The following FPR2 variants were observed in gnomAD, a reference collection of about 807,000 sequenced individuals.
The protein encoded by FPR2 is formyl peptide receptor 2, also known as N-formyl peptide receptor 2.
Under a neutral mutation model 4.0 loss-of-function variants are expected in FPR2, and 3 were observed. The observed-to-expected ratio is 0.74, with a 90% CI of 0.34 to 1.92. The LOEUF is 1.92. Ranked by LOEUF, FPR2 falls within the 30% of genes most tolerant of loss-of-function variation. The pLI, the probability that FPR2 is intolerant of heterozygous loss-of-function variation, is 0.07. For missense variants in FPR2, 372 were observed against 435.7 expected, an observed-to-expected ratio of 0.85 and a Z score of 1.30; for synonymous variants, 179 against 171.5, an observed-to-expected ratio of 1.04 and a Z score of -0.34.
At position 51,768,727 on chromosome 19, in the gene FPR2, T is replaced by C. The variant is rs764263030; in HGVS notation, c.69T>C (p.Thr23=). Reference sequence around the variant, plus strand: ...TGTCCTATGAGTCTGCTGGCTACACTGTTCTGCGGATCCTCCCATTGGTGG... The same window carrying C: ...TGTCCTATGAGTCTGCTGGCTACACCGTTCTGCGGATCCTCCCATTGGTGG... The part of the protein sequence containing the change: ...EEVSYESAGY[T]VLRILPLVVL... Residue 23 remains threonine, a synonymous_variant, in exon 2 of 2, where the codon ACT becomes ACC. Coordinates refer to ENST00000340023, the MANE Select transcript of FPR2 (RefSeq NM_001005738.2). 6 of 1,614,174 alleles carry C rather than the reference T, an allele frequency of 3.7e-6. No homozygotes were observed. The highest frequency in any genetic ancestry group is 5.1e-6 in the Non-Finnish European group (6 of 1,180,024).
chr19:51,769,782 C>T lies in FPR2; in HGVS notation c.*68C>T. ...AATGCCAGTTCCAGCTTCATCTACC[C>T]TTGAGTCATATTGAGGCATTCAAGG... On this transcript the variant is annotated 3_prime_UTR_variant, in exon 2 of 2. Transcript: ENST00000340023. The surrounding 1 kb of genome is among the most constrained non-coding windows in gnomAD (Gnocchi z 4.4). 7.4e-7 allele frequency: 1 copy of T among 1,360,232 alleles called. No homozygotes were observed. Among genetic ancestry groups the T allele is most frequent in the Middle Eastern group, 1.8e-4 (1 of 5,438 alleles). 84.3% of individuals were successfully genotyped at this position (1,360,232 alleles called of 1,614,324 possible).
rs775137302 is a variant in FPR2, at chr19:51,768,662, G to A, written c.4G>A (p.Glu2Lys). 7 of 1,596,558 alleles carry A rather than the reference G, an allele frequency of 4.4e-6. No homozygotes were observed. The East Asian group carries it at 1.3e-4, about 31-fold the overall frequency. Residue 2 changes from glutamate (E) to lysine (K), a missense_variant, in exon 2 of 2, where the codon GAA becomes AAA. Coordinates refer to ENST00000340023, the MANE Select transcript of FPR2 (RefSeq NM_001005738.2). METNFSTPLNEY... is the reference protein window; with the variant it reads MKTNFSTPLNEY... ...TGTTTCAGGTGCTGCTGGCAAGATG[G>A]AAACCAACTTCTCCACTCCTCTGAA...
intron 1 of FPR2, among the ~76,000 whole-genome samples, chr19:51,766,638 G>C (rs1343683362): frequency 6.6e-6 from 1 of 152,172 alleles, no homozygotes; most frequent in Non-Finnish European, 1.5e-5. Flanking sequence ...CAAAGGCAGT[G>C]GCTCTGGAGT....
At chr19:51,762,183 T>C (rs1321648696) in intron 1 of FPR2, among the ~76,000 whole-genome samples, 1 of 147,854 alleles carries the variant, frequency 6.8e-6, no homozygotes, top group Non-Finnish European at 1.5e-5. Context: ...CCTCTCAGGG[T>C]CAAGCGATTC....
chr19:51,764,924 T>C (rs1023287828), intron 1 of FPR2, among the ~76,000 whole-genome samples: 7 of 152,098 alleles, frequency 4.6e-5, no homozygotes, highest in African/African-American at 1.7e-4. Flanking sequence ...CCTCCCAGAC[T>C]CAAGTGATTC....
intron 1 of FPR2, 139 bp downstream of exon 1, chr19:51,761,369 G>T (rs1046947994): frequency 6.6e-6 from 1 of 152,222 alleles, no homozygotes; most frequent in Non-Finnish European, 1.5e-5. Flanking sequence ...TTTCTATCTT[G>T]ATCTGAAATG....
chr19:51,762,394 C>CT (rs750941089), intron 1 of FPR2: 1,693 of 116,012 alleles, frequency 0.015, 15 homozygotes, highest in African/African-American at 0.032. Context: ...CCTTATTGGA[C>CT]TTTTTTTTTT....
In FPR2 at chr19:51,770,375, C is replaced by G; in HGVS notation, c.*661C>G. On this transcript the variant is annotated 3_prime_UTR_variant, in exon 2 of 2. Coordinates refer to ENST00000340023, the MANE Select transcript of FPR2 (RefSeq NM_001005738.2). ...TTTATGTTTATATACTGTTATTTCA[C>G]TTTTTCTACTATCCTTGCTAAGTTT... is the stretch of plus-strand genomic sequence containing the variant. 6.0e-6 allele frequency: 1 copy of G among 167,044 alleles called. No homozygotes were observed. Among genetic ancestry groups the G allele is most frequent in the African/African-American group, 2.4e-5 (1 of 41,436 alleles). 10.3% of individuals were successfully genotyped at this position (167,044 alleles called of 1,614,324 possible). A position where few individuals can be genotyped will look rare whatever the true frequency, so the allele number is the denominator to read the frequency against.
chr19:51,765,968 C>T (rs916755061), intron 1 of FPR2, among the ~76,000 whole-genome samples: 2 of 152,186 alleles, frequency 1.3e-5, no homozygotes, highest in African/African-American at 4.8e-5. Context: ...CTCTGTCCCC[C>T]AGGCTGGAGT....
chr19:51,768,943 G>T lies in FPR2; in HGVS notation c.285G>T (p.Trp95Cys). The T allele has an allele frequency of 6.2e-7, 1 of 1,614,152 alleles. No homozygotes were observed. Among genetic ancestry groups the T allele is most frequent in the African/African-American group, 1.3e-5 (1 of 75,028 alleles). ...MAMGEKWPFGWFLCKLIHIVV... is the reference protein window; with the variant it reads ...MAMGEKWPFGCFLCKLIHIVV... ...TGGGAGAAAAATGGCCTTTTGGCTG[G>T]TTCCTGTGTAAGTTAATTCACATCG... Residue 95 changes from tryptophan (W) to cysteine (C), a missense_variant, in exon 2 of 2, where the codon TGG becomes TGT. Coordinates refer to ENST00000340023, the MANE Select transcript of FPR2 (RefSeq NM_001005738.2).
In FPR2 at chr19:51,767,737, AAC is replaced by A. The variant is rs200041006; in HGVS notation, c.-14-904_-14-903del. On this transcript the variant is annotated intron_variant, in intron 1 of 1. Transcript: ENST00000340023. The stretch of plus-strand genomic sequence containing the variant: ...ATTATCTACTACCTAAGTGACCTTC[AAC>A]ACATTTCACAATTGCCCTGAGCTTT... Among the ~76,000 whole-genome samples, 1,357 of 152,302 alleles carry A rather than the reference AAC, an allele frequency of 8.9e-3. 22 individuals are homozygous for A. Among genetic ancestry groups the A allele is most frequent in the African/African-American group, 0.031 (1,283 of 41,562 alleles).
rs764738526 is a variant in FPR2, at chr19:51,769,582, C to G, written c.924C>G (p.Asp308Glu). Residue 308 changes from aspartate (D) to glutamate (E), a missense_variant, in exon 2 of 2, where the codon GAC becomes GAG. Coordinates refer to ENST00000340023, the MANE Select transcript of FPR2 (RefSeq NM_001005738.2). The surrounding 1 kb of genome is among the most constrained non-coding windows in gnomAD (Gnocchi z 4.4). ...TGCTTTACGTCTTTGTGGGCCAAGA[C>G]TTCCGAGAGAGACTGATCCACTCCC... ...NPMLYVFVGQ[D>E]FRERLIHSLP... is the part of the protein sequence containing the mutation. The G allele has an allele frequency of 5.0e-6, 8 of 1,614,232 alleles. No homozygotes were observed. In the East Asian group the frequency reaches 1.3e-4, roughly 27 times the overall value.
At chr19:51,766,540 GGAA>G (rs1221057343) in intron 1 of FPR2, among the ~76,000 whole-genome samples, 2 of 152,202 alleles carry the variant, frequency 1.3e-5, no homozygotes, top group Non-Finnish European at 2.9e-5. Context: ...ATAAGGAAAA[GGAA>G]GAAGGCTAAA....
Position 51,761,236 on chromosome 19 carries a change from T to C in FPR2, c.-15+6T>C, listed in dbSNP as rs1000301661. ...GAAAAGGAGCTTAGCTGCTGGTAAG[T>C]TGGGGACTGACAATTTAAAATTTAT... On this transcript the variant is annotated splice_donor_region_variant and intron_variant, in intron 1 of 1. Coordinates refer to ENST00000340023, the MANE Select transcript of FPR2 (RefSeq NM_001005738.2). 2.6e-5 allele frequency: 4 copies of C among 152,206 alleles called. No individual in the cohort carries two copies. Among genetic ancestry groups the C allele is most frequent in the Non-Finnish European group, 5.9e-5 (4 of 68,052 alleles). 9.4% of individuals were successfully genotyped at this position (152,206 alleles called of 1,614,324 possible).
chr19:51,769,346 A>C lies in FPR2; in HGVS notation c.688A>C (p.Lys230Gln). Residue 230 changes from lysine (K) to glutamine (Q), a missense_variant, in exon 2 of 2, where the codon AAA becomes CAA. Coordinates refer to ENST00000340023, the MANE Select transcript of FPR2 (RefSeq NM_001005738.2). This position sits in a 1 kb window ranked among gnomAD's most constrained non-coding sequence, Gnocchi z 4.4. ...CYGLIAAKIH[K>Q]KGMIKSSRPL... ...TGGGCTCATTGCAGCCAAGATCCAC[A>C]AAAAGGGCATGATTAAATCCAGCCG... is the stretch of plus-strand genomic sequence containing the variant. 6.2e-7 allele frequency: 1 copy of C among 1,614,174 alleles called. No individual in the cohort carries two copies. Among genetic ancestry groups the C allele is most frequent in the South Asian group, 1.1e-5 (1 of 91,090 alleles).
At chr19:51,764,744 T>C (rs2083859669) in intron 1 of FPR2, among the ~76,000 whole-genome samples, 1 of 152,222 alleles carries the variant, frequency 6.6e-6, no homozygotes, top group Non-Finnish European at 1.5e-5. Flanking sequence ...ACATTACAAC[T>C]AGGGTGGACC....
chr19:51,769,687 T>G lies in FPR2; in HGVS notation c.1029T>G (p.Pro343=), dbSNP rs1291891007. Residue 343 remains proline, a synonymous_variant, in exon 2 of 2, where the codon CCT becomes CCG. Coordinates refer to ENST00000340023, the MANE Select transcript of FPR2 (RefSeq NM_001005738.2). The surrounding 1 kb of genome is among the most constrained non-coding windows in gnomAD (Gnocchi z 4.4). The part of the protein sequence containing the change: ...NDTAANSASP[P]AETELQAM Reference sequence around the variant, plus strand: ...CGGCTGCCAATTCTGCTTCACCTCCTGCAGAGACTGAGTTACAGGCAATGT... The same window carrying G: ...CGGCTGCCAATTCTGCTTCACCTCCGGCAGAGACTGAGTTACAGGCAATGT... 12 of 1,613,952 alleles carry G rather than the reference T, an allele frequency of 7.4e-6. No homozygotes were observed. The highest frequency in any genetic ancestry group is 1.1e-5 in the South Asian group (1 of 91,080).
chr19:51,768,827 C>G lies in FPR2; in HGVS notation c.169C>G (p.Arg57Gly), dbSNP rs142611552. 1.2e-6 allele frequency: 2 copies of G among 1,614,120 alleles called. 1 individual carries two copies. The highest frequency in any genetic ancestry group is 2.2e-5 in the South Asian group (2 of 91,072). The change falls in exon 2 of 2, where the codon CGC becomes GGC. Residue 57 changes from arginine to glycine, a missense_variant. Transcript: ENST00000340023. ...CTGGGTGGCTGGATTCCGGATGACA[C>G]GCACAGTCACCACCATCTGTTACCT... ...VIWVAGFRMT[R>G]TVTTICYLNL...
rs553436286 is a variant in FPR2 at position 51,766,367 on chromosome 19, T to C, written c.-14-2278T>C. On this transcript the variant is annotated intron_variant, in intron 1 of 1. Coordinates refer to ENST00000340023, the MANE Select transcript of FPR2 (RefSeq NM_001005738.2). ...GTCTGTGGATAGAGGCCAGGGGGGC[T>C]GCTCAACATCCTACTGTGTCCAGAA... Among the ~76,000 whole-genome samples, 102 of 99,548 alleles carry C rather than the reference T, an allele frequency of 1.0e-3. 2 individuals are homozygous for C. The South Asian group carries it at 0.011, about 10-fold the overall frequency. The allele number at this position is 99,548 out of a possible 152,430, so 65.3% of individuals were successfully genotyped here.
Sources: allele counts gnomAD v4.1 joint callset (sites outside exome capture counted in the v4.1 genomes callset), GRCh38; gene constraint gnomAD v4.1.1; non-coding constraint Gnocchi (gnomAD v3.1); transcripts MANE v1.5; gene names NCBI Gene and HGNC (gene_info 2026-07-23, HGNC 2026-07-21).